RAB27B: variants seen among roughly 807,000 people sequenced by gnomAD.
The protein encoded by RAB27B is ras-related protein Rab-27B.
RAB27B carries 15 observed loss-of-function variants against 24.6 expected under a neutral mutation model. The observed-to-expected ratio is 0.61, with a 90% confidence interval of 0.41 to 0.94. The LOEUF is 0.94. Ranked by LOEUF, RAB27B falls within the 40% of genes least tolerant of loss-of-function variation. The pLI is 0.00. For synonymous variants in RAB27B, 105 were observed against 92.5 expected, an observed-to-expected ratio of 1.14 and a Z score of -0.78; for missense variants, 261 against 266.8, an observed-to-expected ratio of 0.98 and a Z score of 0.15.
intron 2 of RAB27B, among the ~76,000 whole-genome samples, chr18:54,774,512 C>T (rs1334000451): frequency 6.6e-6 from 1 of 152,192 alleles, no homozygotes; most frequent in Non-Finnish European, 1.5e-5. Context: ...AGCCAGTTCT[C>T]CTGACTACTG....
chr18:54,825,956 G>C (rs909895849), upstream of RAB27B, among the ~76,000 whole-genome samples: 1 of 152,200 alleles, frequency 6.6e-6, no homozygotes, highest in South Asian at 2.1e-4. Flanking sequence ...CTCTCCTGCA[G>C]GCATGCAGTG....
chr18:54,755,279 A>T (rs1431074756), intron 2 of RAB27B, among the ~76,000 whole-genome samples: 1 of 152,156 alleles, frequency 6.6e-6, no homozygotes, highest in African/African-American at 2.4e-5. Context: ...AGTCTCAGCT[A>T]CTTGGGAGGC....
intron 2 of RAB27B, among the ~76,000 whole-genome samples, chr18:54,754,808 G>A (rs1907951929): frequency 6.6e-6 from 1 of 152,180 alleles, no homozygotes; most frequent in African/African-American, 2.4e-5. Context: ...ACTTTCTGTT[G>A]TTGGAGTTTA....
In RAB27B at chr18:54,894,849, AAC is replaced by A. The variant is rs1479400489; in HGVS notation, c.*5441_*5442del. On this transcript the variant is annotated 3_prime_UTR_variant, in exon 6 of 6. Transcript: ENST00000262094. ...TAAAAAGAGGTATCATAGCAGGGAAAACACACTAATTTTCATACAGTAGAGGT... is the reference window on the plus strand; with the variant it reads ...TAAAAAGAGGTATCATAGCAGGGAAAACACTAATTTTCATACAGTAGAGGT... The A allele has an allele frequency of 3.3e-5, 5 of 152,162 alleles. No homozygotes were observed. The highest frequency in any genetic ancestry group is 7.4e-5 in the Non-Finnish European group (5 of 67,986). 9.4% of individuals were successfully genotyped at this position (152,162 alleles called of 1,614,324 possible). A position where few individuals can be genotyped will look rare whatever the true frequency, so the allele number is the denominator to read the frequency against.
At chr18:54,866,133 G>C (rs1349159221) in intron 1 of RAB27B, among the ~76,000 whole-genome samples, 1 of 151,968 alleles carries the variant, frequency 6.6e-6, no homozygotes, top group Admixed American at 6.5e-5. Context: ...TGTTTTGAGA[G>C]CCCCCAGCTA....
At chr18:54,829,822 C>T (rs1910606841) in intron 1 of RAB27B, among the ~76,000 whole-genome samples, 1 of 152,162 alleles carries the variant, frequency 6.6e-6, no homozygotes, top group African/African-American at 2.4e-5. Flanking sequence ...GCCATTGCCC[C>T]TCAAATAGTT....
intron 2 of RAB27B, among the ~76,000 whole-genome samples, chr18:54,787,218 G>T (rs987219778): frequency 6.6e-6 from 1 of 152,202 alleles, no homozygotes; most frequent in African/African-American, 2.4e-5. Flanking sequence ...CTGCCAGCTC[G>T]TCCAGGTTTA....
chr18:54,744,334 T>C (rs1292237778), intron 2 of RAB27B, among the ~76,000 whole-genome samples: 1 of 152,208 alleles, frequency 6.6e-6, no homozygotes, highest in Non-Finnish European at 1.5e-5. Context: ...AACCTGTTTT[T>C]ATTTTCCTTT....
At chr18:54,743,710 G>A (rs1263998068) in intron 2 of RAB27B, among the ~76,000 whole-genome samples, 1 of 152,156 alleles carries the variant, frequency 6.6e-6, no homozygotes, top group Non-Finnish European at 1.5e-5. Flanking sequence ...GTAATAGGAG[G>A]TGAGATCAGA....
intron 1 of RAB27B, among the ~76,000 whole-genome samples, chr18:54,837,555 G>T (rs1285197258): frequency 1.3e-5 from 2 of 152,080 alleles, no homozygotes; most frequent in Admixed American, 1.3e-4. Flanking sequence ...GGAGAGGTCA[G>T]GCTGGTGATA....
intron 1 of RAB27B, among the ~76,000 whole-genome samples, chr18:54,853,064 A>C (rs1234668856): frequency 6.6e-6 from 1 of 152,212 alleles, no homozygotes; most frequent in Non-Finnish European, 1.5e-5. Flanking sequence ...TTCCTGGCTT[A>C]GCTGTTTTCC....
chr18:54,741,028 G>A (rs1202647020), intron 2 of RAB27B, among the ~76,000 whole-genome samples: 1 of 152,072 alleles, frequency 6.6e-6, no homozygotes, highest in Non-Finnish European at 1.5e-5. Flanking sequence ...TTCATAAAAA[G>A]CATTTATTCC....
At chr18:54,767,713 T>A (rs1908409236) in intron 2 of RAB27B, among the ~76,000 whole-genome samples, 1 of 152,200 alleles carries the variant, frequency 6.6e-6, no homozygotes, top group African/African-American at 2.4e-5. Flanking sequence ...ATTCAGACCT[T>A]GATTATTTTG....
chr18:54,853,118 G>A (rs954119491), intron 1 of RAB27B, among the ~76,000 whole-genome samples: 1 of 152,158 alleles, frequency 6.6e-6, no homozygotes, highest in African/African-American at 2.4e-5. Context: ...TCTTGCATAT[G>A]GTTGATGTTC....
intron 2 of RAB27B, among the ~76,000 whole-genome samples, chr18:54,812,760 A>ATAC (rs1339929218): frequency 6.6e-6 from 1 of 152,242 alleles, no homozygotes; most frequent in Non-Finnish European, 1.5e-5. Flanking sequence ...TAAAGATGAA[A>ATAC]TACTAGAATA....
chr18:54,842,119 C>A (rs1911143461), intron 1 of RAB27B, among the ~76,000 whole-genome samples: 1 of 152,230 alleles, frequency 6.6e-6, no homozygotes, highest in Admixed American at 6.5e-5. Context: ...CTAATTCGTT[C>A]ATCACAGGGA....
In RAB27B at chr18:54,808,795, G is replaced by A. The variant is rs544402801; in HGVS notation, c.-19-68772G>A. ...TTAAAGACTCCCCATATCACTAAATGAACAGAATAAATATGAATTATTAAA... is the reference window on the plus strand; with the variant it reads ...TTAAAGACTCCCCATATCACTAAATAAACAGAATAAATATGAATTATTAAA... On this transcript the variant is annotated intron_variant, in intron 2 of 4. Transcript: ENST00000586570. Among the ~76,000 whole-genome samples the A allele has an allele frequency of 2.2e-3, 339 of 152,146 alleles. 1 individual carries two copies. Among genetic ancestry groups the A allele is most frequent in the Non-Finnish European group, 3.9e-3 (263 of 67,998 alleles).
In RAB27B at chr18:54,890,460, A is replaced by G. The variant is rs1913324416; in HGVS notation, c.*1047A>G. On this transcript the variant is annotated 3_prime_UTR_variant, in exon 6 of 6. Coordinates refer to ENST00000262094, the MANE Select transcript of RAB27B (RefSeq NM_004163.4). ...ATGGTGATATGAAACAAAAAGTGGC[A>G]ATTATTGCAGGTTTCCTTTTAGTTT... The G allele has an allele frequency of 6.6e-6, 1 of 152,148 alleles. No individual in the cohort carries two copies. Among genetic ancestry groups the G allele is most frequent in the South Asian group, 2.1e-4 (1 of 4,836 alleles). 9.4% of individuals were successfully genotyped at this position (152,148 alleles called of 1,614,324 possible). A position where few individuals can be genotyped will look rare whatever the true frequency, so the allele number is the denominator to read the frequency against.
At position 54,890,230 on chromosome 18, in the gene RAB27B, T is replaced by C. The variant is rs1391628616; in HGVS notation, c.*817T>C. 6.6e-6 allele frequency: 1 copy of C among 152,132 alleles called. No individual in the cohort carries two copies. The highest frequency in any genetic ancestry group is 6.6e-5 in the Admixed American group (1 of 15,256). 9.4% of individuals were successfully genotyped at this position (152,132 alleles called of 1,614,324 possible). A position where few individuals can be genotyped will look rare whatever the true frequency, so the allele number is the denominator to read the frequency against. Reference sequence around the variant, plus strand: ...TCAAGCCAATTAGGAGCTGATATTATCAGTTGGAATTAAGAGAACTCCAGA... The same window carrying C: ...TCAAGCCAATTAGGAGCTGATATTACCAGTTGGAATTAAGAGAACTCCAGA... On this transcript the variant is annotated 3_prime_UTR_variant, in exon 6 of 6. Coordinates refer to ENST00000262094, the MANE Select transcript of RAB27B (RefSeq NM_004163.4).
Sources: gnomAD v4.1 joint callset for allele counts (sites outside exome capture counted in the v4.1 genomes callset) on GRCh38, gnomAD v4.1.1 for gene constraint, MANE v1.5 for transcripts, NCBI Gene and HGNC (gene_info 2026-07-23, HGNC 2026-07-21) for gene names.